The following DOCK3 variants were observed in gnomAD, a reference collection of about 807,000 sequenced individuals.
The protein encoded by DOCK3 is dedicator of cytokinesis protein 3.
In DOCK3, 60 loss-of-function variants were observed where a neutral mutation model predicts 265.6. That is an observed-to-expected ratio of 0.23 (90% CI 0.18 to 0.28). The LOEUF is 0.28. Among genes scored for constraint, DOCK3 ranks in the 10% least tolerant of loss-of-function variants. DOCK3 has a pLI of 1.00. For synonymous variants in DOCK3, 881 were observed against 938.0 expected, an observed-to-expected ratio of 0.94 and a Z score of 1.11; for missense variants, 1,981 against 2,594.3, an observed-to-expected ratio of 0.76 and a Z score of 5.14.
At position 51,290,590 on chromosome 3, in the gene DOCK3, C is replaced by T. The variant is rs532197247; in HGVS notation, c.2922+10386C>T. 2.4e-3 allele frequency among the ~76,000 whole-genome samples: 367 copies of T among 151,934 alleles called. 3 individuals are homozygous for T. Among genetic ancestry groups the T allele is most frequent in the African/African-American group, 8.0e-3 (333 of 41,432 alleles). ...TAGGAGATATACCTAGTGTAAATGACGAGTTAATGGGTGCAGCACACCAAC... is the reference window on the plus strand; with the variant it reads ...TAGGAGATATACCTAGTGTAAATGATGAGTTAATGGGTGCAGCACACCAAC... On this transcript the variant is annotated intron_variant, in intron 27 of 52. Coordinates refer to ENST00000266037, the MANE Select transcript of DOCK3 (RefSeq NM_004947.5).
intron 12 of DOCK3, among the ~76,000 whole-genome samples, chr3:51,180,784 A>G (rs1478532261): frequency 1.3e-5 from 2 of 152,256 alleles, no homozygotes; most frequent in African/African-American, 4.8e-5. Flanking sequence ...TGTGATTAAC[A>G]TGAACCCTTA....
chr3:51,164,940 CTT>C (rs66495824), intron 12 of DOCK3, among the ~76,000 whole-genome samples: 7 of 106,890 alleles, frequency 6.5e-5, no homozygotes, highest in African/African-American at 1.8e-4. Context: ...GTTTAGGAGC[CTT>C]TTTTTTTTTT....
chr3:51,065,354 T>G (rs1341077679), intron 6 of DOCK3, among the ~76,000 whole-genome samples: 6 of 152,172 alleles, frequency 3.9e-5, no homozygotes, highest in African/African-American at 1.4e-4. Context: ...CTCCTTATCC[T>G]TTTTGGGAGG....
At chr3:51,308,030 C>CT (rs2082796529) in intron 27 of DOCK3, among the ~76,000 whole-genome samples, 2 of 151,794 alleles carry the variant, frequency 1.3e-5, no homozygotes, top group South Asian at 4.2e-4. Context: ...AATAACAATT[C>CT]TGGGGGGTCA....
intron 2 of DOCK3, chr3:50,787,139 T>C: frequency 2.9e-6 from 2 of 682,508 alleles, no homozygotes; most frequent in Non-Finnish European, 5.4e-6. Flanking sequence ...TTTCACAGTC[T>C]GTTTGCCGGT....
intron 22 of DOCK3, among the ~76,000 whole-genome samples, chr3:51,248,738 A>G (rs200354331): frequency 0.082 from 10,871 of 132,482 alleles, 950 homozygotes; most frequent in East Asian, 0.35. Flanking sequence ...CATCCCATCT[A>G]GGAAGTGAGG....
At chr3:50,843,136 A>G (rs1434921129) in intron 3 of DOCK3, among the ~76,000 whole-genome samples, 2 of 152,226 alleles carry the variant, frequency 1.3e-5, no homozygotes, top group South Asian at 2.1e-4. Flanking sequence ...ATATCTTCCT[A>G]CACAATGAAG....
At chr3:51,313,031 C>A in intron 31 of DOCK3, 129 bp downstream of exon 31, 2 of 825,368 alleles carry the variant, frequency 2.4e-6, no homozygotes, top group South Asian at 1.7e-5. Flanking sequence ...ATATCTTTCA[C>A]ATAACACCTC....
intron 4 of DOCK3, among the ~76,000 whole-genome samples, chr3:50,896,580 G>T (rs1388918051): frequency 6.6e-6 from 1 of 152,042 alleles, no homozygotes; most frequent in Non-Finnish European, 1.5e-5. Flanking sequence ...GCCCTGAATG[G>T]TATTGCCTAG....
intron 3 of DOCK3, among the ~76,000 whole-genome samples, chr3:50,857,280 C>A (rs755865655): frequency 2.6e-5 from 4 of 152,082 alleles, no homozygotes; most frequent in Non-Finnish European, 5.9e-5. Context: ...TGTTAGAATT[C>A]GGCTGTGAAT....
intron 9 of DOCK3, among the ~76,000 whole-genome samples, chr3:51,136,364 C>A (rs2084796292): frequency 1.3e-5 from 2 of 151,960 alleles, no homozygotes; most frequent in African/African-American, 2.4e-5. Context: ...GTAGTTGGGA[C>A]TATAGGCACC....
chr3:51,375,881 G>C, intron 51 of DOCK3, 46 bp downstream of exon 51: 1 of 1,603,308 alleles, frequency 6.2e-7, no homozygotes, highest in South Asian at 1.1e-5. Flanking sequence ...TCCCCATCCT[G>C]AGTGTCTGAC....
At chr3:50,718,144 C>T (rs1405177397) in intron 1 of DOCK3, among the ~76,000 whole-genome samples, 1 of 152,124 alleles carries the variant, frequency 6.6e-6, no homozygotes, top group Non-Finnish European at 1.5e-5. Context: ...ATTATCAGGG[C>T]ATATAACCTT....
At chr3:50,712,714 C>T (rs1824281) in intron 1 of DOCK3, among the ~76,000 whole-genome samples, 118,896 of 152,142 alleles carry the variant, frequency 0.78, 47,538 homozygotes, top group Middle Eastern at 0.89. Context: ...TTTGTGATTT[C>T]CTCTTTGACT....
At chr3:51,351,190 A>T (rs542063040) in intron 40 of DOCK3, among the ~76,000 whole-genome samples, 1 of 152,270 alleles carries the variant, frequency 6.6e-6, no homozygotes, top group East Asian at 1.9e-4. Context: ...AGCTGCCCTG[A>T]TGTGTGGGCC....
intron 5 of DOCK3, among the ~76,000 whole-genome samples, chr3:51,018,058 A>G (rs2108851640): frequency 6.6e-6 from 1 of 151,206 alleles, no homozygotes; most frequent in South Asian, 2.1e-4. Flanking sequence ...TGCCCAGCTC[A>G]TTTTTGTATT....
At chr3:50,907,371 A>G (rs2049578164) in intron 4 of DOCK3, among the ~76,000 whole-genome samples, 1 of 151,912 alleles carries the variant, frequency 6.6e-6, no homozygotes, top group Non-Finnish European at 1.5e-5. Context: ...GTCTCCCATT[A>G]TTATTGTTTG....
At chr3:51,220,446 C>T (rs1328369925) in intron 14 of DOCK3, among the ~76,000 whole-genome samples, 1 of 151,866 alleles carries the variant, frequency 6.6e-6, no homozygotes, top group Non-Finnish European at 1.5e-5. Context: ...CACCTGAGGT[C>T]AGGAGTTCCA....
intron 1 of DOCK3, among the ~76,000 whole-genome samples, chr3:50,717,447 C>T (rs1005513341): frequency 6.6e-5 from 10 of 151,890 alleles, no homozygotes; most frequent in Admixed American, 3.3e-4. Context: ...TCTGTTGATT[C>T]CATATATTTA....
Sources: allele counts gnomAD v4.1 joint callset (sites outside exome capture counted in the v4.1 genomes callset), GRCh38; gene constraint gnomAD v4.1.1; transcripts MANE v1.5; gene names NCBI Gene and HGNC (gene_info 2026-07-23, HGNC 2026-07-21).